NBEAL1: variants seen among roughly 807,000 people sequenced by gnomAD.
NBEAL1 encodes the protein neurobeachin-like protein 1.
Under a neutral mutation model 351.3 loss-of-function variants are expected in NBEAL1, and 273 were observed. That is an observed-to-expected ratio of 0.78 (90% CI 0.70 to 0.86). NBEAL1 has a LOEUF of 0.86. Among genes scored for constraint, NBEAL1 ranks in the 40% least tolerant of loss-of-function variants. The pLI, the probability that NBEAL1 is intolerant of heterozygous loss-of-function variation, is 0.00. For synonymous variants in NBEAL1, 1,050 were observed against 1,086.4 expected (o/e 0.97, Z 0.66); for missense variants, 2,961 against 3,201.3 (o/e 0.92, Z 1.81).
intron 6 of NBEAL1, among the ~76,000 whole-genome samples, chr2:203,063,501 G>A (rs899885055): frequency 6.6e-6 from 1 of 150,560 alleles, no homozygotes; most frequent in Non-Finnish European, 1.5e-5. Context: ...GGAGAAAGGA[G>A]TGGAAAAAGG....
rs942352756 is a variant in NBEAL1 at position 203,068,513 on chromosome 2, A to C, written c.598+38A>C. On this transcript the variant is annotated intron_variant, in intron 7 of 55. Coordinates refer to ENST00000683969, the MANE Select transcript of NBEAL1 (RefSeq NM_001378026.1). ...TCTAATTTCTCTTGCTATGATTATC[A>C]TCTTACTCTGATTACTTTTTATTCT... 4.4e-6 allele frequency: 5 copies of C among 1,138,180 alleles called. No homozygotes were observed. In the East Asian group the frequency reaches 1.0e-4, roughly 24 times the overall value. 70.5% of individuals were successfully genotyped at this position (1,138,180 alleles called of 1,614,324 possible).
chr2:203,186,428 A>G (rs2064898976), intron 44 of NBEAL1, among the ~76,000 whole-genome samples: 1 of 152,228 alleles, frequency 6.6e-6, no homozygotes, highest in Admixed American at 6.5e-5. Flanking sequence ...CAAAAGGAGG[A>G]GAAAAGCAGG....
chr2:203,127,039 T>A, intron 23 of NBEAL1, 113 bp downstream of exon 23: 3 of 718,352 alleles, frequency 4.2e-6, no homozygotes, highest in Non-Finnish European at 6.8e-6. Context: ...ATGTTTTAAC[T>A]GGAGAGAGGT....
At chr2:203,209,060 G>T in intron 52 of NBEAL1, 101 bp from the exon 53 acceptor site, 1 of 941,284 alleles carries the variant, frequency 1.1e-6, no homozygotes, top group East Asian at 2.5e-5. Flanking sequence ...CATTTTCTTG[G>T]TTCCTTTCCC....
At chr2:203,067,928 C>A (rs909215055) in intron 6 of NBEAL1, among the ~76,000 whole-genome samples, 5 of 152,180 alleles carry the variant, frequency 3.3e-5, no homozygotes, top group African/African-American at 1.2e-4. Context: ...AAAATAATCC[C>A]AGCCCATACT....
chr2:203,177,101 T>C (rs2064530848), intron 42 of NBEAL1, among the ~76,000 whole-genome samples: 1 of 143,936 alleles, frequency 6.9e-6, no homozygotes, highest in African/African-American at 2.6e-5. Flanking sequence ...TAGTGAACCA[T>C]GATTGCACCA....
intron 47 of NBEAL1, among the ~76,000 whole-genome samples, chr2:203,194,307 A>T (rs1208222601): frequency 1.3e-5 from 2 of 152,240 alleles, no homozygotes; most frequent in Non-Finnish European, 2.9e-5. Context: ...TGAGTAGTCT[A>T]GTAAAACAGG....
chr2:203,110,704 AATAAATAAATAT>A (rs2106240602), intron 15 of NBEAL1, among the ~76,000 whole-genome samples: 1 of 149,242 alleles, frequency 6.7e-6, no homozygotes, highest in African/African-American at 2.4e-5. Flanking sequence ...TAAATAAATA[AATAAATAAATAT>A]ATAGAACGTT....
chr2:203,117,949 G>A (rs547858867), intron 18 of NBEAL1, among the ~76,000 whole-genome samples: 1 of 152,008 alleles, frequency 6.6e-6, no homozygotes, highest in East Asian at 1.9e-4. Flanking sequence ...TCAGCTTCGC[G>A]AAGTGTTGGG....
At chr2:203,026,831 A>G (rs1033176062) in intron 2 of NBEAL1, among the ~76,000 whole-genome samples, 2 of 152,200 alleles carry the variant, frequency 1.3e-5, no homozygotes, top group African/African-American at 4.8e-5. Flanking sequence ...CTCCTTTAGT[A>G]GAATCCTCAT....
chr2:203,180,567 A>G, intron 43 of NBEAL1, 55 bp downstream of exon 43: 1 of 1,497,482 alleles, frequency 6.7e-7, no homozygotes. Context: ...AGGAGCCTCA[A>G]AAATGTCTTT....
At chr2:203,208,412 C>G (rs2065671877) in intron 51 of NBEAL1, among the ~76,000 whole-genome samples, 2 of 152,062 alleles carry the variant, frequency 1.3e-5, no homozygotes, top group South Asian at 4.2e-4. Flanking sequence ...GTCAACATTG[C>G]AAAAATTTAT....
intron 35 of NBEAL1, among the ~76,000 whole-genome samples, chr2:203,153,337 T>A (rs1258642444): frequency 2.1e-5 from 3 of 145,070 alleles, no homozygotes; most frequent in Non-Finnish European, 4.5e-5. Flanking sequence ...AGACAAGGTC[T>A]CACCATATTG....
intron 4 of NBEAL1, among the ~76,000 whole-genome samples, chr2:203,053,506 G>A (rs1402147666): frequency 1.3e-5 from 2 of 151,822 alleles, no homozygotes; most frequent in African/African-American, 2.4e-5. Flanking sequence ...TGTCGTCGTC[G>A]TTGTTGTTGT....
In NBEAL1 at chr2:203,108,010, A is replaced by C; in HGVS notation, c.1771A>C (p.Ser591Arg). 1 of 1,554,274 alleles carries C rather than the reference A, an allele frequency of 6.4e-7. No individual in the cohort carries two copies. The highest frequency in any genetic ancestry group is 8.7e-7 in the Non-Finnish European group (1 of 1,147,840). ...RAILTMARKL[S>R]LESALQYFNL... Reference sequence around the variant, plus strand: ...AATCCTGACAATGGCCCGAAAACTAAGTCTAGAGAGTGCCCTCCAGTATTT... The same window carrying C: ...AATCCTGACAATGGCCCGAAAACTACGTCTAGAGAGTGCCCTCCAGTATTT... Residue 591 changes from serine (S) to arginine (R), a missense_variant, in exon 14 of 56, where the codon AGT (serine) becomes CGT (arginine). By Grantham distance (110) the Ser-to-Arg change is moderately radical. Transcript: ENST00000683969.
intron 51 of NBEAL1, among the ~76,000 whole-genome samples, chr2:203,208,069 T>C (rs984499460): frequency 1.3e-5 from 2 of 151,976 alleles, no homozygotes; most frequent in Non-Finnish European, 2.9e-5. Context: ...ATTACCTGAG[T>C]CCCAGAGTTC....
chr2:203,028,020 A>C (rs2060887814), intron 2 of NBEAL1, among the ~76,000 whole-genome samples: 1 of 151,972 alleles, frequency 6.6e-6, no homozygotes, highest in Non-Finnish European at 1.5e-5. Context: ...AGTAGGTGGG[A>C]CTACAGGCAC....
At chr2:203,111,739 C>T (rs1000776021) in intron 15 of NBEAL1, among the ~76,000 whole-genome samples, 2 of 152,110 alleles carry the variant, frequency 1.3e-5, no homozygotes, top group African/African-American at 4.8e-5. Context: ...CTAAGGAATA[C>T]TAAAGCTTTG....
At chr2:203,055,991 A>C (rs1170111233) in intron 4 of NBEAL1, among the ~76,000 whole-genome samples, 1 of 152,248 alleles carries the variant, frequency 6.6e-6, no homozygotes, top group African/African-American at 2.4e-5. Context: ...AAGCAAAGTG[A>C]AAATGATTAT....
Sources: allele counts gnomAD v4.1 joint callset (sites outside exome capture counted in the v4.1 genomes callset), GRCh38; gene constraint gnomAD v4.1.1; transcripts MANE v1.5; gene names NCBI Gene and HGNC (gene_info 2026-07-23, HGNC 2026-07-21).